Variants in EPHA3 observed in about 807,000 individuals in gnomAD.
The protein encoded by EPHA3 is ephrin type-A receptor 3.
Under a neutral mutation model 107.1 loss-of-function variants are expected in EPHA3, and 42 were observed. The ratio of observed to expected loss-of-function variants is 0.39; its 90% CI spans 0.31 to 0.51. The LOEUF (loss-of-function observed/expected upper bound fraction) is 0.51, where lower values mean the gene tolerates loss of function less well. Among genes scored for constraint, EPHA3 ranks in the 20% least tolerant of loss-of-function variants. The pLI is 0.78. For synonymous variants in EPHA3, 461 were observed against 424.8 expected, an observed-to-expected ratio of 1.09 and a Z score of -1.05; for missense variants, 1,183 against 1,211.2, an observed-to-expected ratio of 0.98 and a Z score of 0.35.
intron 1 of EPHA3, among the ~76,000 whole-genome samples, chr3:89,123,113 G>A (rs1176109211): frequency 1.3e-5 from 2 of 151,986 alleles, no homozygotes; most frequent in Non-Finnish European, 1.5e-5. Flanking sequence ...GAGCCAATTT[G>A]CTCTATACTT....
chr3:89,390,844 A>ACATGCAAT, intron 5 of EPHA3, among the ~76,000 whole-genome samples: 1 of 145,064 alleles, frequency 6.9e-6, no homozygotes, highest in Admixed American at 7.0e-5. Context: ...GAGTGCAATG[A>ACATGCAAT]CATGCAATCT....
chr3:89,451,960 A>G (rs1007487957), intron 15 of EPHA3, among the ~76,000 whole-genome samples: 8 of 151,938 alleles, frequency 5.3e-5, no homozygotes, highest in Non-Finnish European at 1.0e-4. Context: ...AAGTTTGATT[A>G]ACCATGCCTT....
intron 5 of EPHA3, among the ~76,000 whole-genome samples, chr3:89,381,112 G>A (rs1193888470): frequency 6.6e-6 from 1 of 151,830 alleles, no homozygotes; most frequent in Admixed American, 6.6e-5. Flanking sequence ...AGCTGGGACT[G>A]CAGGCACCCG....
At chr3:89,449,203 A>G in intron 13 of EPHA3, 22 bp from the exon 14 acceptor site, 3 of 1,593,898 alleles carry the variant, frequency 1.9e-6, no homozygotes, top group South Asian at 1.1e-5. Context: ...TGATTTATGT[A>G]GACATGATTT....
chr3:89,389,547 A>C (rs2107496121), intron 5 of EPHA3, among the ~76,000 whole-genome samples: 1 of 152,348 alleles, frequency 6.6e-6, no homozygotes, highest in East Asian at 1.9e-4. Context: ...AAATCTAGAA[A>C]GAGGAAGGTC....
chr3:89,199,906 T>C (rs555079044), intron 2 of EPHA3, among the ~76,000 whole-genome samples: 1 of 152,220 alleles, frequency 6.6e-6, no homozygotes, highest in South Asian at 2.1e-4. Context: ...TTGCATGCCA[T>C]TTAATTTTAG....
chr3:89,393,783 T>A (rs1232621889), intron 5 of EPHA3, among the ~76,000 whole-genome samples: 1 of 75,482 alleles, frequency 1.3e-5, no homozygotes, highest in Non-Finnish European at 3.9e-5. Flanking sequence ...AAAAATAAAT[T>A]TTTTTTTAAA....
Position 89,472,592 on chromosome 3 carries a change from G to C in EPHA3, c.2819G>C (p.Cys940Ser). The C allele has an allele frequency of 6.2e-7, 1 of 1,612,578 alleles. No homozygotes were observed. Among genetic ancestry groups the C allele is most frequent in the South Asian group, 1.1e-5 (1 of 90,874 alleles). ...TTCACGGGTGTGGAGTACAGTTCTT[G>C]TGACACAATAGCCAAGATTTCCACA... is the stretch of plus-strand genomic sequence containing the variant. ...EIFTGVEYSSCDTIAKISTDD... is the reference protein window; with the variant it reads ...EIFTGVEYSSSDTIAKISTDD... Residue 940 changes from cysteine to serine, a missense_variant, in exon 16 of 17, where the codon TGT becomes TCT. Coordinates refer to ENST00000336596, the MANE Select transcript of EPHA3 (RefSeq NM_005233.6).
At chr3:89,467,400 C>T (rs1189192022) in intron 15 of EPHA3, among the ~76,000 whole-genome samples, 1 of 152,096 alleles carries the variant, frequency 6.6e-6, no homozygotes, top group Admixed American at 6.5e-5. Context: ...GTTATTACCT[C>T]CTTGTAGACA....
At chr3:89,266,918 A>G (rs75927652) in intron 3 of EPHA3, among the ~76,000 whole-genome samples, 9,741 of 152,184 alleles carry the variant, frequency 0.064, 359 homozygotes, top group East Asian at 0.15. Flanking sequence ...AAATTCACCA[A>G]TTCAACCTTG....
At chr3:89,255,638 T>G (rs1468373518) in intron 3 of EPHA3, among the ~76,000 whole-genome samples, 1 of 152,020 alleles carries the variant, frequency 6.6e-6, no homozygotes, top group African/African-American at 2.4e-5. Flanking sequence ...AGGTGGCTCA[T>G]GCCTGTAATC....
Position 89,399,338 on chromosome 3 carries a change from T to C in EPHA3, c.1452T>C (p.Tyr484=), listed in dbSNP as rs768368917. ...YYEKQEQETS[Y]TILRARGTNV... ...CAAAGCAGGAACAAGAAACAAGTTA[T>C]ACCATTCTGAGGGCAAGAGGCACAA... is the stretch of plus-strand genomic sequence containing the variant. Residue 484 remains tyrosine (Y), a synonymous_variant, in exon 7 of 17, where the codon TAT becomes TAC. Coordinates refer to ENST00000336596, the MANE Select transcript of EPHA3 (RefSeq NM_005233.6). 2.4e-5 allele frequency: 38 copies of C among 1,611,482 alleles called. No homozygotes were observed. Among genetic ancestry groups the C allele is most frequent in the Middle Eastern group, 1.6e-4 (1 of 6,078 alleles).
At chr3:89,450,000 G>T (rs377743246) in intron 14 of EPHA3, among the ~76,000 whole-genome samples, 177 bp from the exon 15 acceptor site, 1 of 151,652 alleles carries the variant, frequency 6.6e-6, no homozygotes, top group East Asian at 1.9e-4. Flanking sequence ...AATATTTTAG[G>T]CATACATAAC....
intron 3 of EPHA3, among the ~76,000 whole-genome samples, chr3:89,233,204 T>C (rs1372672649): frequency 6.6e-6 from 1 of 152,172 alleles, no homozygotes; most frequent in Non-Finnish European, 1.5e-5. Context: ...AGCCTATGTC[T>C]GAAGATGAAT....
intron 2 of EPHA3, among the ~76,000 whole-genome samples, chr3:89,208,107 C>T (rs1706151544): frequency 6.6e-6 from 1 of 152,040 alleles, no homozygotes; most frequent in African/African-American, 2.4e-5. Context: ...GGCACAGTGG[C>T]TCATGCCTAT....
intron 3 of EPHA3, among the ~76,000 whole-genome samples, chr3:89,226,602 A>G (rs1028301212): frequency 3.3e-5 from 5 of 152,112 alleles, no homozygotes; most frequent in Non-Finnish European, 7.4e-5. Context: ...TTAGAACTTC[A>G]ACTGATCCAT....
chr3:89,127,344 G>C (rs970236954), intron 2 of EPHA3, 71 bp downstream of exon 2: 65 of 1,221,796 alleles, frequency 5.3e-5, no homozygotes, highest in Non-Finnish European at 7.3e-5. Context: ...TGAATTTATT[G>C]TATTCTCTAA....
rs544571311 is a variant in EPHA3, at chr3:89,172,457, G to A, written c.154-37403G>A. Among the ~76,000 whole-genome samples, 144 of 152,244 alleles carry A rather than the reference G, an allele frequency of 9.5e-4. 1 individual carries two copies. The highest frequency in any genetic ancestry group is 3.3e-3 in the African/African-American group (139 of 41,536). On this transcript the variant is annotated intron_variant, in intron 2 of 16. Coordinates refer to ENST00000336596, the MANE Select transcript of EPHA3 (RefSeq NM_005233.6). Reference sequence around the variant, plus strand: ...AACCAGGCTGTACAGTCAGGCCTGCGTTACAAAAGACCCACATGTGTCCTT... The same window carrying A: ...AACCAGGCTGTACAGTCAGGCCTGCATTACAAAAGACCCACATGTGTCCTT...
chr3:89,305,863 T>C (rs1039154852), intron 3 of EPHA3, among the ~76,000 whole-genome samples: 3 of 152,186 alleles, frequency 2.0e-5, no homozygotes, highest in Admixed American at 2.0e-4. Flanking sequence ...TTCTAACATG[T>C]TATCGATGAA....
Sources: allele counts gnomAD v4.1 joint callset (sites outside exome capture counted in the v4.1 genomes callset), GRCh38; gene constraint gnomAD v4.1.1; transcripts MANE v1.5; gene names NCBI Gene and HGNC (gene_info 2026-07-23, HGNC 2026-07-21).